Variants in GREB1L observed in about 807,000 individuals in gnomAD.
GREB1L encodes the protein GREB1 like retinoic acid receptor coactivator, also known as GREB1-like protein.
A neutral mutation model predicts 200.8 loss-of-function variants in GREB1L; 17 were observed. The ratio of observed to expected loss-of-function variants is 0.08; its 90% CI spans 0.06 to 0.13. The LOEUF is 0.13. Ranked by LOEUF, GREB1L falls within the 10% of genes least tolerant of loss-of-function variation. GREB1L has a pLI of 1.00. For synonymous variants in GREB1L, 789 were observed against 893.0 expected, an observed-to-expected ratio of 0.88 and a Z score of 2.08; for missense variants, 1,657 against 2,367.7, an observed-to-expected ratio of 0.70 and a Z score of 6.23.
At chr18:21,367,087 TG>T (rs2039705316) in intron 2 of GREB1L, among the ~76,000 whole-genome samples, 1 of 152,086 alleles carries the variant, frequency 6.6e-6, no homozygotes, top group Non-Finnish European at 1.5e-5. Context: ...CTGCAACAAT[TG>T]AGGAGGTCAA....
Position 21,500,313 on chromosome 18 carries a change from C to A in GREB1L, c.3969+7C>A. On this transcript the variant is annotated splice_region_variant and intron_variant, in intron 22 of 32. Coordinates refer to ENST00000424526, the MANE Select transcript of GREB1L (RefSeq NM_001142966.3). Reference sequence around the variant, plus strand: ...GCTGACAGGGCCCCCACAGGTAGGGCCAAGCCAGCCGGGGCCGTTTCTTAG... The same window carrying A: ...GCTGACAGGGCCCCCACAGGTAGGGACAAGCCAGCCGGGGCCGTTTCTTAG... 1 of 1,151,016 alleles carries A rather than the reference C, an allele frequency of 8.7e-7. No homozygotes were observed. Among genetic ancestry groups the A allele is most frequent in the Non-Finnish European group, 1.3e-6 (1 of 797,234 alleles). 71.3% of individuals were successfully genotyped at this position (1,151,016 alleles called of 1,614,324 possible).
At chr18:21,375,930 A>G (rs1203466764) in intron 2 of GREB1L, among the ~76,000 whole-genome samples, 1 of 152,218 alleles carries the variant, frequency 6.6e-6, no homozygotes, top group Admixed American at 6.5e-5. Flanking sequence ...TAGTAATAAT[A>G]ACAACAGCTA....
intron 1 of GREB1L, among the ~76,000 whole-genome samples, chr18:21,339,114 G>C (rs2039230895): frequency 6.6e-6 from 1 of 151,940 alleles, no homozygotes; most frequent in Non-Finnish European, 1.5e-5. Flanking sequence ...TTGAACCCAG[G>C]AGGCTGAGGT....
intron 7 of GREB1L, among the ~76,000 whole-genome samples, chr18:21,421,119 A>G (rs571512779): frequency 2.0e-5 from 3 of 152,306 alleles, no homozygotes; most frequent in East Asian, 1.9e-4. Flanking sequence ...GATGGGAGCA[A>G]GGGAAGCATA....
chr18:21,264,778 C>G (rs942622433), intron 1 of GREB1L, among the ~76,000 whole-genome samples: 1 of 151,492 alleles, frequency 6.6e-6, no homozygotes, highest in African/African-American at 2.4e-5. Context: ...TTGCAGATGC[C>G]TGGAAAGTTT....
intron 2 of GREB1L, among the ~76,000 whole-genome samples, chr18:21,371,032 G>T (rs999206948): frequency 1.3e-5 from 2 of 152,044 alleles, no homozygotes; most frequent in African/African-American, 4.8e-5. Context: ...GTTGCAGTGA[G>T]CTGAGATCAC....
chr18:21,264,972 T>C (rs2037944026), intron 1 of GREB1L, among the ~76,000 whole-genome samples: 1 of 152,180 alleles, frequency 6.6e-6, no homozygotes, highest in African/African-American at 2.4e-5. Context: ...TGACAGTGTA[T>C]TCTTATTCTT....
intron 7 of GREB1L, among the ~76,000 whole-genome samples, chr18:21,421,816 C>T (rs1163525766): frequency 2.6e-5 from 4 of 152,162 alleles, no homozygotes; most frequent in Non-Finnish European, 5.9e-5. Flanking sequence ...ACGTAATTGG[C>T]TCCCTATGTT....
intron 1 of GREB1L, among the ~76,000 whole-genome samples, chr18:21,356,656 G>A (rs2039509070): frequency 6.6e-6 from 1 of 152,094 alleles, no homozygotes; most frequent in African/African-American, 2.4e-5. Flanking sequence ...ATTTATTCAG[G>A]ATCCCAGTAT....
At chr18:21,420,374 GAA>G (rs1243937747) in intron 7 of GREB1L, among the ~76,000 whole-genome samples, 1 of 109,674 alleles carries the variant, frequency 9.1e-6, no homozygotes. Flanking sequence ...ACTCCATCTC[GAA>G]AAAAAAAAAA....
At chr18:21,264,681 G>A (rs1162793781) in intron 1 of GREB1L, among the ~76,000 whole-genome samples, 2 of 125,148 alleles carry the variant, frequency 1.6e-5, no homozygotes, top group East Asian at 2.2e-4. Flanking sequence ...CCCCCTCCTG[G>A]TCACCCTTCA....
rs779958242 is a variant in GREB1L, at chr18:21,286,665, GTAT to G, written c.-120+44285_-120+44287del. 6.8e-4 allele frequency among the ~76,000 whole-genome samples: 103 copies of G among 152,168 alleles called. No individual in the cohort carries two copies. The Middle Eastern group carries it at 0.014, about 20-fold the overall frequency. ...TTAATCTTCACAACAATCCCATGTGGTATTATTATTATTATCATTTGGGACAGG... is the reference window on the plus strand; with the variant it reads ...TTAATCTTCACAACAATCCCATGTGGTATTATTATTATCATTTGGGACAGG... On this transcript the variant is annotated intron_variant, in intron 1 of 32. Coordinates refer to ENST00000424526, the MANE Select transcript of GREB1L (RefSeq NM_001142966.3).
At chr18:21,330,672 G>T (rs556113192) in intron 1 of GREB1L, among the ~76,000 whole-genome samples, 7 of 152,066 alleles carry the variant, frequency 4.6e-5, no homozygotes, top group Admixed American at 2.0e-4. Flanking sequence ...TCCACTGAGG[G>T]GGGTAAGAAC....
rs2034428741 is a variant in GREB1L at position 21,449,807 on chromosome 18, G to A, written c.1691G>A (p.Arg564Lys). The change falls in exon 12 of 33, where the codon AGA becomes AAA. Residue 564 changes from arginine to lysine, a missense_variant. Arg to Lys is a conservative substitution (Grantham distance 26). This residue lies in a region of GREB1L where 239 missense variants were observed against 421.8 expected (regional missense o/e 0.57). Transcript: ENST00000424526. ...YVVVICASKI[R>K]GNEFCVVVLG... Reference sequence around the variant, plus strand: ...GTGGTAATTTGTGCATCGAAAATCAGAGGAAATGAATTTTGTGTGGTAGTG... The same window carrying A: ...GTGGTAATTTGTGCATCGAAAATCAAAGGAAATGAATTTTGTGTGGTAGTG... 1.3e-6 allele frequency: 2 copies of A among 1,540,002 alleles called. No individual in the cohort carries two copies. The highest frequency in any genetic ancestry group is 1.8e-6 in the Non-Finnish European group (2 of 1,139,336).
chr18:21,511,387 C>G (rs1234285525), intron 27 of GREB1L, among the ~76,000 whole-genome samples: 1 of 152,066 alleles, frequency 6.6e-6, no homozygotes, highest in Non-Finnish European at 1.5e-5. Flanking sequence ...ATTTTTCTCC[C>G]ATTCCATGGA....
intron 17 of GREB1L, among the ~76,000 whole-genome samples, chr18:21,479,101 C>T (rs545124393): frequency 1.2e-4 from 18 of 152,136 alleles, no homozygotes; most frequent in African/African-American, 3.9e-4. Context: ...AGGCTGGTCT[C>T]GAACTCGCAA....
At chr18:21,293,023 C>T (rs1246311834) in intron 1 of GREB1L, among the ~76,000 whole-genome samples, 3 of 152,090 alleles carry the variant, frequency 2.0e-5, no homozygotes, top group Admixed American at 6.5e-5. Context: ...GGTGGCATCA[C>T]GAAGCAGGGG....
rs548966249 is a variant in GREB1L, at chr18:21,285,786, T to C, written c.-120+43393T>C. 2.6e-5 allele frequency among the ~76,000 whole-genome samples: 4 copies of C among 152,326 alleles called. No individual in the cohort carries two copies. The South Asian group carries it at 8.3e-4, about 32-fold the overall frequency. ...AGAATTTAATGCCATACTAAGTTGT[T>C]ATCTAGCAAAATTCCAGTGGGAAAA... On this transcript the variant is annotated intron_variant, in intron 1 of 32. Transcript: ENST00000424526.
At chr18:21,388,733 A>T (rs1397357246) in intron 4 of GREB1L, among the ~76,000 whole-genome samples, 1 of 151,464 alleles carries the variant, frequency 6.6e-6, no homozygotes, top group Non-Finnish European at 1.5e-5. Context: ...TTTAGTAGAG[A>T]TGGGGTTTCA....
Sources: gnomAD v4.1 joint callset for allele counts (sites outside exome capture counted in the v4.1 genomes callset) on GRCh38, gnomAD v4.1.1 for gene constraint, gnomAD v4.1.1 regional missense constraint, MANE v1.5 for transcripts, NCBI Gene and HGNC (gene_info 2026-07-23, HGNC 2026-07-21) for gene names.